Variants in NEBL observed in about 807,000 individuals in gnomAD.
NEBL encodes LIM and SH3 protein 2.
Under a neutral mutation model 140.2 loss-of-function variants are expected in NEBL, and 122 were observed. The observed-to-expected ratio is 0.87, with a 90% CI of 0.75 to 1.01. NEBL has a LOEUF of 1.01. Among genes scored for constraint, NEBL ranks in the 50% least tolerant of loss-of-function variants. The pLI is 0.00. For synonymous variants in NEBL, 436 were observed against 398.9 expected, an observed-to-expected ratio of 1.09 and a Z score of -1.11; for missense variants, 1,365 against 1,231.3, an observed-to-expected ratio of 1.11 and a Z score of -1.62.
intron 3 of NEBL, among the ~76,000 whole-genome samples, chr10:21,196,927 A>G (rs765891075): frequency 1.3e-5 from 2 of 152,220 alleles, no homozygotes; most frequent in African/African-American, 2.4e-5. Flanking sequence ...CTTTGCTGCG[A>G]AGGAAATGCA....
At chr10:20,940,474 G>C (rs1188919954) in intron 4 of NEBL, among the ~76,000 whole-genome samples, 2 of 144,572 alleles carry the variant, frequency 1.4e-5, no homozygotes, top group Admixed American at 7.2e-5. Flanking sequence ...ATGCCCACAA[G>C]AGAAAGCAGG....
chr10:20,813,917 G>A (rs1240689444), intron 23 of NEBL, 22 bp downstream of exon 23: 4 of 1,446,784 alleles, frequency 2.8e-6, no homozygotes, highest in Admixed American at 3.3e-5. Context: ...CATGTTTTAA[G>A]AATGATCTGG....
At chr10:20,874,341 T>C (rs74123511) in intron 5 of NEBL, among the ~76,000 whole-genome samples, 7,068 of 152,182 alleles carry the variant, frequency 0.046, 510 homozygotes, top group African/African-American at 0.15. Context: ...AGATACCCCA[T>C]CCATTTGGAA....
chr10:21,118,979 A>G (rs985851448), intron 2 of NEBL, among the ~76,000 whole-genome samples: 4 of 152,132 alleles, frequency 2.6e-5, no homozygotes, highest in Non-Finnish European at 5.9e-5. Flanking sequence ...TCTTACAACA[A>G]TCTTGTGAGC....
chr10:21,027,059 GTCTTGC>G (rs1257280733), intron 2 of NEBL, among the ~76,000 whole-genome samples: 2 of 152,134 alleles, frequency 1.3e-5, no homozygotes, highest in Non-Finnish European at 2.9e-5. Context: ...TGGAACAAGC[GTCTTGC>G]TTCCTCCTGA....
chr10:21,277,547 G>C (rs759657291), intron 1 of NEBL, among the ~76,000 whole-genome samples: 4 of 152,138 alleles, frequency 2.6e-5, no homozygotes, highest in Non-Finnish European at 5.9e-5. Context: ...TTCCACATTG[G>C]TCAAATGGAA....
At chr10:20,983,829 A>G (rs1380396968) in intron 3 of NEBL, among the ~76,000 whole-genome samples, 4 of 152,224 alleles carry the variant, frequency 2.6e-5, no homozygotes, top group African/African-American at 7.2e-5. Flanking sequence ...TAAAATCATC[A>G]GACACTAAGA....
rs908353961 is a variant in NEBL, at chr10:21,146,660, T to C, written c.164+25723A>G. The C allele has an allele frequency of 7.0e-6, 4 of 567,792 alleles. No homozygotes were observed. The East Asian group carries it at 8.8e-5, about 13-fold the overall frequency. The allele number at this position is 567,792 out of a possible 1,614,324, so 35.2% of individuals were successfully genotyped here. A position where few individuals can be genotyped will look rare whatever the true frequency, so the allele number is the denominator to read the frequency against. On this transcript the variant is annotated intron_variant, in intron 2 of 6. Coordinates refer to the NEBL transcript ENST00000417816. ...GATTTGTTGACTGATTATGAGATGC[T>C]CTGAAAAGTCTGTAGAATGAAATTC...
chr10:21,191,337 G>A (rs1841570337), intron 3 of NEBL, among the ~76,000 whole-genome samples: 1 of 152,170 alleles, frequency 6.6e-6, no homozygotes. Flanking sequence ...AGGAAAATGA[G>A]GCACACAGTG....
chr10:21,110,784 T>G, intron 2 of NEBL: 3 of 551,022 alleles, frequency 5.4e-6, no homozygotes, highest in Non-Finnish European at 1.1e-5. Context: ...ACCAATTATC[T>G]TTAAGAACAG....
intron 2 of NEBL, among the ~76,000 whole-genome samples, chr10:21,127,542 A>G (rs1332880329): frequency 3.3e-5 from 5 of 151,818 alleles, no homozygotes; most frequent in African/African-American, 1.2e-4. Flanking sequence ...CATAGCACCA[A>G]CTATACAGCA....
At chr10:21,276,635 G>A (rs1842928275) in intron 1 of NEBL, among the ~76,000 whole-genome samples, 1 of 152,060 alleles carries the variant, frequency 6.6e-6, no homozygotes, top group South Asian at 2.1e-4. Context: ...AGACCAGCCT[G>A]AGCAATATGT....
intron 4 of NEBL, among the ~76,000 whole-genome samples, chr10:20,956,196 T>A (rs987304349): frequency 6.6e-6 from 1 of 152,218 alleles, no homozygotes; most frequent in African/African-American, 2.4e-5. Context: ...GAGGTAATTT[T>A]CCGTACATTT....
At chr10:21,151,637 G>A (rs766880886) in intron 2 of NEBL, among the ~76,000 whole-genome samples, 6 of 152,106 alleles carry the variant, frequency 3.9e-5, no homozygotes, top group Non-Finnish European at 7.4e-5. Flanking sequence ...GCCTTGTAGG[G>A]TCCCCACCGT....
chr10:20,796,466 T>A (rs1408844099), intron 26 of NEBL, among the ~76,000 whole-genome samples: 1 of 151,758 alleles, frequency 6.6e-6, no homozygotes. Flanking sequence ...TTAGTTGTAT[T>A]TTTAATTTTC....
intron 2 of NEBL, among the ~76,000 whole-genome samples, chr10:21,101,778 A>T (rs906916140): frequency 2.0e-5 from 3 of 152,236 alleles, no homozygotes; most frequent in African/African-American, 7.2e-5. Flanking sequence ...AGGAAACTCC[A>T]AATGAGCTCA....
intron 3 of NEBL, among the ~76,000 whole-genome samples, chr10:21,188,167 C>T (rs922223999): frequency 6.6e-6 from 1 of 152,180 alleles, no homozygotes; most frequent in South Asian, 2.1e-4. Context: ...TTGCCCTGTG[C>T]CCTTAATTCT....
intron 4 of NEBL, among the ~76,000 whole-genome samples, chr10:20,903,666 C>T (rs1322286793): frequency 6.6e-6 from 1 of 152,066 alleles, no homozygotes. Flanking sequence ...TATGCATACA[C>T]CACGGAATAC....
chr10:21,074,054 G>A (rs1399926416), intron 2 of NEBL, among the ~76,000 whole-genome samples: 7 of 151,868 alleles, frequency 4.6e-5, no homozygotes, highest in African/African-American at 9.7e-5. Context: ...CAGCCTGGGC[G>A]ACAGAGTGAG....
Sources: gnomAD v4.1 joint callset for allele counts (sites outside exome capture counted in the v4.1 genomes callset) on GRCh38, gnomAD v4.1.1 for gene constraint, MANE v1.5 for transcripts, NCBI Gene and HGNC (gene_info 2026-07-23, HGNC 2026-07-21) for gene names.